Variants in NXPH1 observed in about 807,000 individuals in gnomAD.
The protein encoded by NXPH1 is neurexophilin 1, also known as neurexophilin-1.
A neutral mutation model predicts 23.7 loss-of-function variants in NXPH1; 5 were observed. The observed-to-expected ratio is 0.21, with a 90% CI of 0.11 to 0.44. NXPH1 has a LOEUF of 0.44. Among genes scored for constraint, NXPH1 ranks in the 20% least tolerant of loss-of-function variants. The pLI is 0.99. For missense variants in NXPH1, 324 were observed against 321.6 expected (o/e 1.01, Z -0.06); for synonymous variants, 144 against 122.2 (o/e 1.18, Z -1.18).
In NXPH1 at chr7:8,507,309, G is replaced by T. The variant is rs570147603; in HGVS notation, c.54+71542G>T. Among the ~76,000 whole-genome samples, 9 of 151,680 alleles carry T rather than the reference G, an allele frequency of 5.9e-5. 1 individual carries two copies. Among genetic ancestry groups the T allele is most frequent in the Admixed American group, 3.9e-4 (6 of 15,268 alleles). On this transcript the variant is annotated intron_variant, in intron 2 of 2. Transcript: ENST00000405863. Reference sequence around the variant, plus strand: ...AAGATGAAGAATTTGAAGGTGAAGGGGTAGATCATGAGTGAAACAGAAGCA... The same window carrying T: ...AAGATGAAGAATTTGAAGGTGAAGGTGTAGATCATGAGTGAAACAGAAGCA...
chr7:8,661,092 C>A (rs1234128725), intron 2 of NXPH1, among the ~76,000 whole-genome samples: 2 of 152,168 alleles, frequency 1.3e-5, no homozygotes, highest in South Asian at 2.1e-4. Flanking sequence ...CTCTACAAAT[C>A]ATATCTGAAT....
intron 2 of NXPH1, among the ~76,000 whole-genome samples, chr7:8,522,818 G>T (rs964453963): frequency 6.6e-6 from 1 of 152,158 alleles, no homozygotes; most frequent in African/African-American, 2.4e-5. Flanking sequence ...GGTGGAGACA[G>T]TGATTATATT....
At chr7:8,673,993 T>A (rs1036068137) in intron 2 of NXPH1, among the ~76,000 whole-genome samples, 1 of 152,166 alleles carries the variant, frequency 6.6e-6, no homozygotes. Flanking sequence ...TGAAAGCTAC[T>A]CCACATAACA....
chr7:8,679,093 G>A (rs1043099865), intron 2 of NXPH1, among the ~76,000 whole-genome samples: 10 of 151,190 alleles, frequency 6.6e-5, no homozygotes, highest in Admixed American at 2.0e-4. Context: ...GACTATAGGC[G>A]CCCACCACCA....
At chr7:8,583,989 G>A (rs1253130989) in intron 2 of NXPH1, among the ~76,000 whole-genome samples, 1 of 152,170 alleles carries the variant, frequency 6.6e-6, no homozygotes, top group Non-Finnish European at 1.5e-5. Flanking sequence ...TAACATGGCT[G>A]AGCCTGTCAG....
intron 2 of NXPH1, among the ~76,000 whole-genome samples, chr7:8,651,583 C>T (rs1210960484): frequency 3.3e-5 from 5 of 152,048 alleles, no homozygotes; most frequent in African/African-American, 1.2e-4. Context: ...TTTACAGTCC[C>T]ACCAACAGTG....
chr7:8,728,975 C>G (rs1196460715), intron 2 of NXPH1, among the ~76,000 whole-genome samples: 5 of 148,476 alleles, frequency 3.4e-5, no homozygotes, highest in Admixed American at 6.7e-5. Context: ...GTCCTGGACT[C>G]TTTTTGGTTG....
rs577508971 is a variant in NXPH1, at chr7:8,726,302, T to C, written c.55-24706T>C. Among the ~76,000 whole-genome samples, 7 of 151,806 alleles carry C rather than the reference T, an allele frequency of 4.6e-5. No individual in the cohort carries two copies. The South Asian group carries it at 1.5e-3, about 32-fold the overall frequency. On this transcript the variant is annotated intron_variant, in intron 2 of 2. Transcript: ENST00000405863. ...TTCTTTTTTTTTTTTTACACTTTAC[T>C]GCAATAATTTTCATTTTTTTGTTTG... is the stretch of plus-strand genomic sequence containing the variant.
chr7:8,533,310 A>C (rs777417193), intron 2 of NXPH1, among the ~76,000 whole-genome samples: 1 of 151,984 alleles, frequency 6.6e-6, no homozygotes, highest in Non-Finnish European at 1.5e-5. Context: ...TTGTTCTTTT[A>C]TAGGTTCTGG....
intron 2 of NXPH1, among the ~76,000 whole-genome samples, chr7:8,716,117 G>A (rs1397127410): frequency 6.6e-6 from 1 of 152,114 alleles, no homozygotes; most frequent in Non-Finnish European, 1.5e-5. Flanking sequence ...TGGGTATTAA[G>A]AAACCCAGAA....
In NXPH1 at chr7:8,691,337, C is replaced by T. The variant is rs527350312; in HGVS notation, c.55-59671C>T. On this transcript the variant is annotated intron_variant, in intron 2 of 2. Transcript: ENST00000405863. ...CTAATTTTTGTATTTTTTGTAGAGA[C>T]AGGGTTTCTTCAGGTTTGTCAGGCT... Among the ~76,000 whole-genome samples the T allele has an allele frequency of 2.9e-3, 434 of 151,936 alleles. 1 individual carries two copies. Among genetic ancestry groups the T allele is most frequent in the South Asian group, 4.8e-3 (23 of 4,806 alleles).
chr7:8,466,276 A>G (rs1816784898), intron 2 of NXPH1, among the ~76,000 whole-genome samples: 2 of 152,212 alleles, frequency 1.3e-5, no homozygotes, highest in Non-Finnish European at 1.5e-5. Context: ...CAGCTAATGG[A>G]GTTGATATAT....
At chr7:8,716,882 T>C (rs1161063513) in intron 2 of NXPH1, among the ~76,000 whole-genome samples, 2 of 152,240 alleles carry the variant, frequency 1.3e-5, no homozygotes, top group Non-Finnish European at 2.9e-5. Flanking sequence ...CTCTAGTCTC[T>C]GGCCCTTCCC....
intron 2 of NXPH1, among the ~76,000 whole-genome samples, chr7:8,585,317 C>A (rs1198857731): frequency 1.3e-5 from 2 of 151,510 alleles, no homozygotes; most frequent in Non-Finnish European, 2.9e-5. Flanking sequence ...ATGAGGTATG[C>A]TTGCTCTGCC....
intron 2 of NXPH1, among the ~76,000 whole-genome samples, chr7:8,616,197 C>A (rs904861618): frequency 1.3e-5 from 2 of 151,986 alleles, no homozygotes; most frequent in Admixed American, 6.6e-5. Context: ...TCACGTTCAA[C>A]CACACTGGCC....
intron 2 of NXPH1, among the ~76,000 whole-genome samples, chr7:8,622,724 A>G (rs1177064345): frequency 6.6e-6 from 1 of 152,228 alleles, no homozygotes; most frequent in Non-Finnish European, 1.5e-5. Context: ...GTATATGCTA[A>G]TGTAAAAAGA....
rs73068835 is a variant in NXPH1, at chr7:8,679,482, C to A, written c.55-71526C>A. Among the ~76,000 whole-genome samples, 153 of 152,072 alleles carry A rather than the reference C, an allele frequency of 1.0e-3. 1 individual carries two copies. The highest frequency in any genetic ancestry group is 1.9e-3 in the Non-Finnish European group (129 of 67,994). On this transcript the variant is annotated intron_variant, in intron 2 of 2. Transcript: ENST00000405863. ...TTAATGTAACATGTTTAATTGATAA[C>A]GTTAGAGTAAGAATTAAGGAACACT...
chr7:8,569,295 G>C (rs1248299868), intron 2 of NXPH1, among the ~76,000 whole-genome samples: 1 of 151,718 alleles, frequency 6.6e-6, no homozygotes, highest in East Asian at 1.9e-4. Context: ...TACTTTAAAA[G>C]AAACAATATA....
At chr7:8,453,398 C>T (rs184610168) in intron 2 of NXPH1, among the ~76,000 whole-genome samples, 33 of 152,222 alleles carry the variant, frequency 2.2e-4, no homozygotes. Flanking sequence ...AGAAATGCAT[C>T]ATTGGTTGCC....
Sources: gnomAD v4.1 joint callset for allele counts (sites outside exome capture counted in the v4.1 genomes callset) on GRCh38, gnomAD v4.1.1 for gene constraint, MANE v1.5 for transcripts, NCBI Gene and HGNC (gene_info 2026-07-23, HGNC 2026-07-21) for gene names.